NBAS: variants seen among roughly 807,000 people sequenced by gnomAD.
NBAS encodes the protein NAG/BC035112 fusion.
Under a neutral mutation model 302.5 loss-of-function variants are expected in NBAS, and 219 were observed. The observed-to-expected ratio is 0.72, with a 90% CI of 0.65 to 0.81. NBAS has a LOEUF of 0.81. NBAS is among the 30% of genes least tolerant of loss of function. The pLI is 0.00. For missense variants in NBAS, 2,932 were observed against 2,841.6 expected, an observed-to-expected ratio of 1.03 and a Z score of -0.72; for synonymous variants, 1,118 against 1,021.6, an observed-to-expected ratio of 1.09 and a Z score of -1.80.
intron 12 of NBAS, among the ~76,000 whole-genome samples, chr2:15,487,794 C>T (rs1269822209): frequency 2.3e-4 from 35 of 152,110 alleles, no homozygotes; most frequent in Non-Finnish European, 8.8e-5. Context: ...ATTTAGCCAC[C>T]AAGGTTGTAA....
intron 29 of NBAS, among the ~76,000 whole-genome samples, chr2:15,382,864 T>C (rs1013450544): frequency 2.6e-5 from 4 of 152,182 alleles, no homozygotes; most frequent in African/African-American, 9.7e-5. Flanking sequence ...AGTAGGGGGA[T>C]TGCTGCAGTT....
the NBAS span, among the ~76,000 whole-genome samples, chr2:14,883,094 A>T: frequency 1.3e-5 from 2 of 152,230 alleles, no homozygotes; most frequent in African/African-American, 4.8e-5. Flanking sequence ...CAACTTAAGC[A>T]TTTGCTTAAT....
chr2:15,188,435 C>A lies in NBAS; in HGVS notation c.6573-1555G>T, dbSNP rs1349658525. 2.0e-5 allele frequency among the ~76,000 whole-genome samples: 3 copies of A among 152,118 alleles called. No individual in the cohort carries two copies. The East Asian group carries it at 5.8e-4, about 29-fold the overall frequency. On this transcript the variant is annotated intron_variant, in intron 49 of 51. Transcript: ENST00000281513. ...AAGGAAAAAATATTCAAAAGTACTT[C>A]TGAGCACCTGTTTGTAAAGTATCCC... is the stretch of plus-strand genomic sequence containing the variant.
At chr2:15,281,980 T>C (rs1669847083) in intron 42 of NBAS, among the ~76,000 whole-genome samples, 1 of 152,158 alleles carries the variant, frequency 6.6e-6, no homozygotes, top group Non-Finnish European at 1.5e-5. Flanking sequence ...ACAATGCAAA[T>C]CACAGTCCTA....
chr2:15,099,916 C>T, the NBAS span, among the ~76,000 whole-genome samples: 1 of 152,136 alleles, frequency 6.6e-6, no homozygotes, highest in Non-Finnish European at 1.5e-5. Context: ...GAAAGACACA[C>T]ACAAAAATTT....
the NBAS span, among the ~76,000 whole-genome samples, chr2:14,903,714 G>A: frequency 6.6e-6 from 1 of 152,244 alleles, no homozygotes; most frequent in Non-Finnish European, 1.5e-5. Flanking sequence ...CACAGGAGCA[G>A]AATAATGATC....
chr2:15,559,642 T>A (rs1664817531), intron 1 of NBAS, among the ~76,000 whole-genome samples: 2 of 152,234 alleles, frequency 1.3e-5, no homozygotes, highest in African/African-American at 4.8e-5. Context: ...ATCAGATGTC[T>A]GCCCTCCAAG....
chr2:15,160,977 A>C, the NBAS span, among the ~76,000 whole-genome samples: 166 of 152,330 alleles, frequency 1.1e-3, no homozygotes, highest in African/African-American at 3.8e-3. Flanking sequence ...CTATACAAGG[A>C]GATAACTGGA....
the NBAS span, among the ~76,000 whole-genome samples, chr2:15,072,156 A>G: frequency 6.6e-6 from 1 of 152,256 alleles, no homozygotes; most frequent in Non-Finnish European, 1.5e-5. Flanking sequence ...CCCCTCTAGC[A>G]GTCTGTGAGA....
At chr2:15,461,144 A>T in intron 21 of NBAS, 57 bp downstream of exon 21, 2 of 1,471,512 alleles carry the variant, frequency 1.4e-6, no homozygotes, top group Non-Finnish European at 1.9e-6. Flanking sequence ...GTTCAGCATG[A>T]CAAAAAAATT....
chr2:15,529,574 A>G (rs998883674), intron 9 of NBAS, among the ~76,000 whole-genome samples: 7 of 152,208 alleles, frequency 4.6e-5, no homozygotes, highest in African/African-American at 1.7e-4. Context: ...CACTTAAACA[A>G]TAAAACGGGA....
the NBAS span, among the ~76,000 whole-genome samples, chr2:15,104,547 T>C: frequency 1.3e-5 from 2 of 151,818 alleles, no homozygotes; most frequent in Admixed American, 1.3e-4. Context: ...CACAGAAAAA[T>C]CTTTTTGAGT....
intron 49 of NBAS, among the ~76,000 whole-genome samples, chr2:15,189,608 A>C (rs1310440919): frequency 6.6e-6 from 1 of 152,162 alleles, no homozygotes; most frequent in South Asian, 2.1e-4. Flanking sequence ...CTTCCAAAGG[A>C]AAGGGGTATG....
chr2:15,219,927 G>A (rs62121514), intron 47 of NBAS, among the ~76,000 whole-genome samples: 1 of 147,604 alleles, frequency 6.8e-6, no homozygotes, highest in African/African-American at 2.5e-5. Flanking sequence ...CTCACCTCCC[G>A]GATGGGGCGG....
At chr2:15,213,298 A>G (rs1339959135) in intron 48 of NBAS, among the ~76,000 whole-genome samples, 2 of 152,258 alleles carry the variant, frequency 1.3e-5, no homozygotes, top group Non-Finnish European at 2.9e-5. Context: ...TTCCACACAT[A>G]TTGCCCTGTT....
chr2:15,438,211 C>T (rs955639930), intron 21 of NBAS, among the ~76,000 whole-genome samples: 1 of 152,220 alleles, frequency 6.6e-6, no homozygotes, highest in African/African-American at 2.4e-5. Context: ...ATTCTGAAAT[C>T]CATTTAATCA....
At chr2:14,960,074 A>G in the NBAS span, among the ~76,000 whole-genome samples, 1 of 152,234 alleles carries the variant, frequency 6.6e-6, no homozygotes, top group Non-Finnish European at 1.5e-5. Flanking sequence ...ACTTGGAAAA[A>G]AAATGGATAT....
intron 20 of NBAS, 28 bp from the exon 21 acceptor site, chr2:15,461,365 T>C: frequency 6.2e-7 from 1 of 1,605,084 alleles, no homozygotes; most frequent in African/African-American, 1.3e-5. Flanking sequence ...GGTAAGTTTC[T>C]AATGTAAATC....
At position 15,353,557 on chromosome 2, in the gene NBAS, G is replaced by C. The variant is rs144520644; in HGVS notation, c.4085C>G (p.Thr1362Arg). 7 of 1,613,976 alleles carry C rather than the reference G, an allele frequency of 4.3e-6. No homozygotes were observed. Among genetic ancestry groups the C allele is most frequent in the Non-Finnish European group, 5.9e-6 (7 of 1,179,920 alleles). Residue 1362 changes from threonine (T) to arginine (R), a missense_variant, in exon 34 of 52, where the codon ACA (threonine) becomes AGA (arginine). Transcript: ENST00000281513. ...LLLAASSSLQ[T>R]EILYQRVNFQ... The stretch of plus-strand genomic sequence containing the variant: ...TTCCTTTATCGAAGGACTTACTTCT[G>C]TCTGCAGAGAGCTGCTAGCTGCCAA...
Sources: allele counts gnomAD v4.1 joint callset (sites outside exome capture counted in the v4.1 genomes callset), GRCh38; gene constraint gnomAD v4.1.1; transcripts MANE v1.5; gene names NCBI Gene and HGNC (gene_info 2026-07-23, HGNC 2026-07-21).